RAB6B: variants seen among roughly 807,000 people sequenced by gnomAD.
RAB6B encodes the protein RAB6B, member RAS oncogene family.
RAB6B carries 7 observed loss-of-function variants against 31.2 expected under a neutral mutation model. The ratio of observed to expected loss-of-function variants is 0.22; its 90% CI spans 0.13 to 0.42. RAB6B has a LOEUF of 0.42. RAB6B is among the 10% of genes least tolerant of loss of function. The probability of loss-of-function intolerance (pLI) is 1.00; values close to 1 mark genes in which losing one functional copy is unlikely to be tolerated. For synonymous variants in RAB6B, 105 were observed against 104.9 expected (o/e 1.00, Z -0.01); for missense variants, 149 against 280.6 (o/e 0.53, Z 3.35).
chr3:133,882,244 A>C (rs536170912), intron 1 of RAB6B, among the ~76,000 whole-genome samples: 3 of 152,368 alleles, frequency 2.0e-5, no homozygotes, highest in South Asian at 4.1e-4. Context: ...GAGGAGTCTC[A>C]TAAAGAAACA....
intron 2 of RAB6B, 87 bp from the exon 3 acceptor site, chr3:133,841,750 C>T: frequency 7.4e-7 from 1 of 1,357,522 alleles, no homozygotes; most frequent in South Asian, 1.2e-5. Flanking sequence ...GTGGCATAAC[C>T]AGCAAGAGGG....
rs577021373 is a variant in RAB6B, at chr3:133,888,572, G to C, written c.70+6825C>G. 5.3e-5 allele frequency among the ~76,000 whole-genome samples: 8 copies of C among 152,234 alleles called. No homozygotes were observed. In the South Asian group the frequency reaches 1.5e-3, roughly 28 times the overall value. ...CCAGAGCATGTGATCTGGTCACCTG[G>C]GCTCCCTCTGGCCTTGTTACCAAGA... On this transcript the variant is annotated intron_variant, in intron 1 of 7. Coordinates refer to ENST00000285208, the MANE Select transcript of RAB6B (RefSeq NM_016577.4).
intron 1 of RAB6B, among the ~76,000 whole-genome samples, chr3:133,890,774 T>C (rs1341453226): frequency 6.6e-6 from 1 of 152,192 alleles, no homozygotes; most frequent in Non-Finnish European, 1.5e-5. Flanking sequence ...GGTGAAATGA[T>C]GACTAAGACA....
chr3:133,832,949 C>CT (rs1330842740), intron 7 of RAB6B, among the ~76,000 whole-genome samples: 1 of 152,236 alleles, frequency 6.6e-6, no homozygotes, highest in African/African-American at 2.4e-5. Context: ...TGGGCCCAGC[C>CT]TGGAGCCCTC....
At position 133,857,155 on chromosome 3, in the gene RAB6B, T is replaced by C. The variant is rs183942460; in HGVS notation, c.129+7429A>G. On this transcript the variant is annotated intron_variant, in intron 2 of 7. Coordinates refer to ENST00000285208, the MANE Select transcript of RAB6B (RefSeq NM_016577.4). ...TTGTTGCAGGGTTTCTGTACAGTAA[T>C]GCACATTTCTATCAACAGTGGTTTT... Among the ~76,000 whole-genome samples the C allele has an allele frequency of 2.1e-3, 315 of 152,276 alleles. 1 individual carries two copies. The highest frequency in any genetic ancestry group is 7.4e-3 in the African/African-American group (307 of 41,548).
rs1268598961 is a variant in RAB6B, at chr3:133,827,860, G to C, written c.*928C>G. ...CACACTGCCCAACATCACACACTGA[G>C]TTTCTTAGACTTGGCCCAGGCATGT... On this transcript the variant is annotated 3_prime_UTR_variant, in exon 8 of 8. Coordinates refer to ENST00000285208, the MANE Select transcript of RAB6B (RefSeq NM_016577.4). 1.6e-6 allele frequency: 1 copy of C among 642,058 alleles called. No individual in the cohort carries two copies. The highest frequency in any genetic ancestry group is 2.9e-6 in the Non-Finnish European group (1 of 348,904). The allele number at this position is 642,058 out of a possible 1,614,324, so 39.8% of individuals were successfully genotyped here.
At chr3:133,872,103 C>T (rs747729198) in intron 1 of RAB6B, among the ~76,000 whole-genome samples, 4 of 152,220 alleles carry the variant, frequency 2.6e-5, no homozygotes, top group South Asian at 2.1e-4. Context: ...TCTGCATCCC[C>T]GGCCCACAGC....
chr3:133,828,918 C>T, intron 7 of RAB6B, 66 bp from the exon 8 acceptor site: 2 of 1,394,736 alleles, frequency 1.4e-6, no homozygotes, highest in South Asian at 1.3e-5. Flanking sequence ...TAGCCCTGTG[C>T]ACTGTACCCT....
chr3:133,852,757 G>A (rs1174874782), intron 2 of RAB6B, among the ~76,000 whole-genome samples: 1 of 152,164 alleles, frequency 6.6e-6, no homozygotes, highest in East Asian at 1.9e-4. Context: ...GGGATTACAG[G>A]CGTGAGTCAC....
intron 2 of RAB6B, among the ~76,000 whole-genome samples, chr3:133,841,886 T>C (rs1576395512): frequency 2.0e-5 from 3 of 152,220 alleles, no homozygotes; most frequent in South Asian, 4.2e-4. Flanking sequence ...TAGGGTGAGA[T>C]CTTCTCTGGA....
At chr3:133,875,175 A>G (rs1936374594) in intron 1 of RAB6B, among the ~76,000 whole-genome samples, 1 of 152,236 alleles carries the variant, frequency 6.6e-6, no homozygotes, top group African/African-American at 2.4e-5. Context: ...GTCTGTCGTT[A>G]ACCAAAACAT....
intron 2 of RAB6B, among the ~76,000 whole-genome samples, chr3:133,858,269 G>A (rs767509069): frequency 6.6e-6 from 1 of 152,206 alleles, no homozygotes; most frequent in East Asian, 1.9e-4. Flanking sequence ...ATCAGGAGAA[G>A]AAATGACTAT....
intron 1 of RAB6B, among the ~76,000 whole-genome samples, chr3:133,865,255 C>T (rs533467629): frequency 6.6e-6 from 1 of 152,324 alleles, no homozygotes; most frequent in Non-Finnish European, 1.5e-5. Context: ...CAGGAGGATC[C>T]CCAGTCACTG....
intron 1 of RAB6B, among the ~76,000 whole-genome samples, chr3:133,894,103 T>C (rs1308628873): frequency 6.6e-6 from 1 of 152,188 alleles, no homozygotes; most frequent in Non-Finnish European, 1.5e-5. Context: ...CACAGCACAG[T>C]AGCACTGTTC....
At chr3:133,861,518 C>A (rs1225035264) in intron 2 of RAB6B, among the ~76,000 whole-genome samples, 1 of 152,166 alleles carries the variant, frequency 6.6e-6, no homozygotes. Flanking sequence ...TCATGCCAGC[C>A]CCTCAGGGTC....
chr3:133,868,873 C>A (rs541287280), intron 1 of RAB6B, among the ~76,000 whole-genome samples: 1 of 152,290 alleles, frequency 6.6e-6, no homozygotes, highest in South Asian at 2.1e-4. Context: ...TAATCCTCAT[C>A]ACGATCCAAT....
chr3:133,838,328 C>T, intron 5 of RAB6B, 69 bp from the exon 6 acceptor site: 1 of 1,430,056 alleles, frequency 7.0e-7, no homozygotes, highest in Non-Finnish European at 9.9e-7. Context: ...TGAGGAGGGA[C>T]CCACCCAGCA....
chr3:133,864,253 A>G (rs1227893345), intron 2 of RAB6B, among the ~76,000 whole-genome samples: 2 of 151,866 alleles, frequency 1.3e-5, no homozygotes, highest in Admixed American at 1.3e-4. Flanking sequence ...TAACACTCTC[A>G]TTTTCATCTT....
chr3:133,844,241 T>C (rs1935877274), intron 2 of RAB6B, among the ~76,000 whole-genome samples: 1 of 152,122 alleles, frequency 6.6e-6, no homozygotes, highest in Admixed American at 6.5e-5. Flanking sequence ...ATACTTTCTC[T>C]CACATCCCAT....
Sources: gnomAD v4.1 joint callset for allele counts (sites outside exome capture counted in the v4.1 genomes callset) on GRCh38, gnomAD v4.1.1 for gene constraint, MANE v1.5 for transcripts, NCBI Gene and HGNC (gene_info 2026-07-23, HGNC 2026-07-21) for gene names.